Variants in EIF3H observed in about 807,000 individuals in gnomAD.
EIF3H encodes the protein eukaryotic translation initiation factor 3 subunit H, also known as eIF-3-gamma.
A neutral mutation model predicts 44.2 loss-of-function variants in EIF3H; 26 were observed. That is an observed-to-expected ratio of 0.59 (90% CI 0.43 to 0.82). The LOEUF (loss-of-function observed/expected upper bound fraction) is 0.82. Ranked by LOEUF, EIF3H falls within the 40% of genes least tolerant of loss-of-function variation. EIF3H has a pLI of 0.00. For missense variants in EIF3H, 359 were observed against 432.8 expected (o/e 0.83, Z 1.51); for synonymous variants, 166 against 151.9 (o/e 1.09, Z -0.68).
chr8:116,764,226 T>G (rs2131015616), intron 1 of EIF3H, among the ~76,000 whole-genome samples: 1 of 152,326 alleles, frequency 6.6e-6, no homozygotes, highest in Middle Eastern at 3.4e-3. Flanking sequence ...TCCTTCAGTA[T>G]AAGGTCAAAA....
intron 2 of EIF3H, among the ~76,000 whole-genome samples, chr8:116,678,162 GT>G (rs1294897231): frequency 1.2e-4 from 17 of 146,146 alleles, no homozygotes; most frequent in Admixed American, 2.7e-4. Flanking sequence ...ACTGGTTTTC[GT>G]TTTTTTTTTT....
chr8:116,695,870 C>T (rs1241131116), intron 2 of EIF3H, among the ~76,000 whole-genome samples: 1 of 152,088 alleles, frequency 6.6e-6, no homozygotes, highest in East Asian at 1.9e-4. Context: ...AAGTGTTTCA[C>T]TATCAGAGAA....
intron 1 of EIF3H, among the ~76,000 whole-genome samples, chr8:116,732,308 T>C (rs1814963400): frequency 6.6e-6 from 1 of 152,168 alleles, no homozygotes; most frequent in Non-Finnish European, 1.5e-5. Flanking sequence ...CTCTGTATTA[T>C]AGGGTAAAAT....
chr8:116,650,410 G>A (rs544000312), intron 5 of EIF3H, among the ~76,000 whole-genome samples: 90 of 152,064 alleles, frequency 5.9e-4, no homozygotes, highest in Admixed American at 3.7e-3. Context: ...ATACCCTAGG[G>A]AATTAAAAAT....
intron 2 of EIF3H, among the ~76,000 whole-genome samples, chr8:116,676,958 A>G (rs1482060333): frequency 6.6e-6 from 1 of 152,314 alleles, no homozygotes; most frequent in African/African-American, 2.4e-5. Context: ...AAAATAAAAA[A>G]AAAAAATTCA....
intron 2 of EIF3H, among the ~76,000 whole-genome samples, chr8:116,703,537 T>G (rs753565578): frequency 6.6e-6 from 1 of 152,250 alleles, no homozygotes; most frequent in Non-Finnish European, 1.5e-5. Flanking sequence ...CTCCGCCTTC[T>G]GGATAGCAGT....
intron 1 of EIF3H, among the ~76,000 whole-genome samples, chr8:116,727,334 G>A (rs1054760401): frequency 6.6e-6 from 1 of 152,148 alleles, no homozygotes; most frequent in Non-Finnish European, 1.5e-5. Context: ...GCAAACAAAG[G>A]GAAAAAGGGA....
chr8:116,736,427 T>C (rs1815041464), intron 1 of EIF3H, among the ~76,000 whole-genome samples: 1 of 152,200 alleles, frequency 6.6e-6, no homozygotes, highest in African/African-American at 2.4e-5. Flanking sequence ...TTCAGGAGGC[T>C]GAGGCCAGCG....
intron 1 of EIF3H, among the ~76,000 whole-genome samples, chr8:116,742,211 T>C (rs1815145366): frequency 6.6e-6 from 1 of 152,234 alleles, no homozygotes; most frequent in South Asian, 2.1e-4. Flanking sequence ...TGCTATTCTC[T>C]TGGATCTAAT....
chr8:116,752,350 G>A lies in EIF3H; in HGVS notation c.132+3316C>T, dbSNP rs1358579411. ...ATCTACATTAGCAAAGTTAGCATTC[G>A]AAATGATTTGAGAAACATTAATAAG... On this transcript the variant is annotated intron_variant, in intron 1 of 7. Coordinates refer to ENST00000521861, the MANE Select transcript of EIF3H (RefSeq NM_003756.3). Among the ~76,000 whole-genome samples the A allele has an allele frequency of 2.0e-5, 3 of 152,168 alleles. No individual in the cohort carries two copies. The East Asian group carries it at 5.8e-4, about 29-fold the overall frequency.
At chr8:116,686,769 T>C (rs1242274964) in intron 2 of EIF3H, among the ~76,000 whole-genome samples, 6 of 151,886 alleles carry the variant, frequency 4.0e-5, no homozygotes, top group Non-Finnish European at 7.4e-5. Context: ...TTTTGCGGGA[T>C]GGGCAAGAGT....
intron 2 of EIF3H, among the ~76,000 whole-genome samples, chr8:116,702,114 C>A (rs1814387643): frequency 6.6e-6 from 1 of 152,008 alleles, no homozygotes; most frequent in African/African-American, 2.4e-5. Flanking sequence ...TGTGTGAAGT[C>A]TGGGAATAAT....
At chr8:116,747,650 G>A (rs913675575) in intron 1 of EIF3H, among the ~76,000 whole-genome samples, 1 of 152,082 alleles carries the variant, frequency 6.6e-6, no homozygotes, top group African/African-American at 2.4e-5. Flanking sequence ...AGGCCAAACT[G>A]TATTATACTT....
At chr8:116,698,171 A>T (rs1586462410) in intron 2 of EIF3H, among the ~76,000 whole-genome samples, 1 of 151,888 alleles carries the variant, frequency 6.6e-6, no homozygotes, top group African/African-American at 2.4e-5. Context: ...CAGGCAAAGT[A>T]ATTATAAAAG....
Position 116,713,249 on chromosome 8 carries a change from C to T in EIF3H, c.289+12767G>A, listed in dbSNP as rs546926771. ...ATCCACCTGTAATTTTCAAATCTTA[C>T]GGTATTACTTTAAGTCTGCACAAAA... On this transcript the variant is annotated intron_variant, in intron 2 of 7. Transcript: ENST00000521861. Among the ~76,000 whole-genome samples, 100 of 152,182 alleles carry T rather than the reference C, an allele frequency of 6.6e-4. 1 individual carries two copies. The highest frequency in any genetic ancestry group is 6.8e-3 in the Middle Eastern group (2 of 294).
At chr8:116,692,097 T>A (rs1277460471) in intron 2 of EIF3H, among the ~76,000 whole-genome samples, 1 of 152,096 alleles carries the variant, frequency 6.6e-6, no homozygotes. Flanking sequence ...TCCCAAGAAA[T>A]CCTTCCTAGG....
upstream of EIF3H, among the ~76,000 whole-genome samples, chr8:116,756,933 G>C (rs938345983): frequency 6.6e-6 from 1 of 152,186 alleles, no homozygotes; most frequent in Non-Finnish European, 1.5e-5. Flanking sequence ...ATCTCGCATG[G>C]AAGAACCAGA....
rs765881862 is a variant in EIF3H, at chr8:116,655,995, C to A, written c.568G>T (p.Ala190Ser). Reference protein sequence around the residue: ...KDFSPEALKKANITFEYMFEE... With the variant: ...KDFSPEALKKSNITFEYMFEE... ...AACATGTACTCAAAGGTGATATTTG[C>A]TTTTTTCAATCTGTGAAGCATGTTA... The change falls in exon 5 of 8, where the codon GCA (alanine) becomes TCA (serine). Residue 190 changes from alanine to serine, a missense_variant. Physicochemically the swap from Ala to Ser is moderately conservative, Grantham distance 99 (BLOSUM62 1). This residue lies in a region of EIF3H where 85 missense variants were observed against 79.2 expected (regional missense o/e 1.07). Transcript: ENST00000521861. 4.3e-6 allele frequency: 7 copies of A among 1,612,820 alleles called. No individual in the cohort carries two copies. The African/African-American group carries it at 9.4e-5, about 22-fold the overall frequency.
intron 2 of EIF3H, among the ~76,000 whole-genome samples, chr8:116,688,613 A>G (rs1321493112): frequency 6.6e-6 from 1 of 152,172 alleles, no homozygotes; most frequent in African/African-American, 2.4e-5. Context: ...ATGAAAGTCA[A>G]TATACTGGCT....
Sources: allele counts gnomAD v4.1 joint callset (sites outside exome capture counted in the v4.1 genomes callset), GRCh38; gene constraint gnomAD v4.1.1; regional missense constraint gnomAD v4.1.1; transcripts MANE v1.5; gene names NCBI Gene and HGNC (gene_info 2026-07-23, HGNC 2026-07-21).